Variants in LMNA observed in about 807,000 individuals in gnomAD.
The protein encoded by LMNA is lamin A/C, also known as lamin.
LMNA carries 20 observed loss-of-function variants against 70.4 expected under a neutral mutation model. The observed-to-expected ratio is 0.28, with a 90% CI of 0.20 to 0.41. LMNA has a LOEUF of 0.41. Ranked by LOEUF, LMNA falls within the 10% of genes least tolerant of loss-of-function variation. LMNA has a pLI of 1.00. For missense variants in LMNA, 652 were observed against 917.2 expected (o/e 0.71, Z 3.73); for synonymous variants, 339 against 372.8 (o/e 0.91, Z 1.04).
At chr1:156,124,766 T>C (rs781632544) in intron 1 of LMNA, among the ~76,000 whole-genome samples, 10 of 152,102 alleles carry the variant, frequency 6.6e-5, no homozygotes, top group Non-Finnish European at 1.2e-4. Flanking sequence ...AACCTCATGA[T>C]TGGCCGCACA....
At chr1:156,105,403 C>CCT (rs76042463) in intron 3 of LMNA, among the ~76,000 whole-genome samples, 77,401 of 151,632 alleles carry the variant, frequency 0.51, 21,953 homozygotes, top group East Asian at 0.79. Flanking sequence ...CCAGCCATCC[C>CCT]TACTCTACTT....
chr1:156,086,282 C>G (rs528512994), intron 2 of LMNA, among the ~76,000 whole-genome samples: 4 of 152,328 alleles, frequency 2.6e-5, no homozygotes, highest in Middle Eastern at 3.4e-3. Context: ...CATCATAGGT[C>G]ACTTGAAGTC....
intron 2 of LMNA, among the ~76,000 whole-genome samples, chr1:156,131,090 T>C (rs989197035): frequency 6.6e-6 from 1 of 151,674 alleles, no homozygotes; most frequent in African/African-American, 2.4e-5. Flanking sequence ...ACTAACATGG[T>C]GAAACCCCGT....
Position 156,136,277 on chromosome 1 carries a change from C to G in LMNA, c.1221C>G (p.Ser407=), listed in dbSNP as rs1349492715. The G allele has an allele frequency of 6.2e-7, 1 of 1,612,132 alleles. No homozygotes were observed. Among genetic ancestry groups the G allele is most frequent in the South Asian group, 1.1e-5 (1 of 91,040 alleles). The part of the protein sequence containing the change: ...RSRGRASSHS[S]QTQGGGSVTK... ...GTGGCCGTGCTTCCTCTCACTCATCCCAGACACAGGGTGGGGGCAGCGTCA... is the reference window on the plus strand; with the variant it reads ...GTGGCCGTGCTTCCTCTCACTCATCGCAGACACAGGGTGGGGGCAGCGTCA... Residue 407 remains serine, a synonymous_variant, in exon 7 of 12, where the codon TCC becomes TCG. Coordinates refer to ENST00000368300, the MANE Select transcript of LMNA (RefSeq NM_170707.4). This position sits in a 1 kb window ranked among gnomAD's most constrained non-coding sequence, Gnocchi z 6.1.
intron 2 of LMNA, among the ~76,000 whole-genome samples, chr1:156,088,867 T>C (rs944678173): frequency 6.6e-6 from 1 of 152,206 alleles, no homozygotes; most frequent in African/African-American, 2.4e-5. Context: ...TTAGCCAGGA[T>C]GGTCTCAATC....
Position 156,139,716 on chromosome 1 carries a change from G to T in LMNA, c.*610G>T. ...CCCCACCCCTGCCCCCAGCCCCGGG[G>T]TGAGTCCATTCTCCCAGGTACCAGC... On this transcript the variant is annotated 3_prime_UTR_variant, in exon 12 of 12. Coordinates refer to ENST00000368300, the MANE Select transcript of LMNA (RefSeq NM_170707.4). The T allele has an allele frequency of 2.6e-6, 4 of 1,531,240 alleles. No homozygotes were observed. Among genetic ancestry groups the T allele is most frequent in the South Asian group, 2.4e-5 (2 of 83,858 alleles). 94.9% of individuals were successfully genotyped at this position (1,531,240 alleles called of 1,614,324 possible). A position where few individuals can be genotyped will look rare whatever the true frequency, so the allele number is the denominator to read the frequency against.
Position 156,134,459 on chromosome 1 carries a change from G to A in LMNA, c.570G>A (p.Arg190=). 1 of 1,614,208 alleles carries A rather than the reference G, an allele frequency of 6.2e-7. No homozygotes were observed. Among genetic ancestry groups the A allele is most frequent in the Non-Finnish European group, 8.5e-7 (1 of 1,180,038 alleles). Residue 190 remains arginine (R), a synonymous_variant, in exon 3 of 12, where the codon CGG becomes CGA. Transcript: ENST00000368300. The surrounding 1 kb of genome is among the most constrained non-coding windows in gnomAD (Gnocchi z 5.3). ...AACTTCAGGATGAGATGCTGCGGCG[G>A]GTGGATGCTGAGAACAGGCTGCAGA... ...KKQLQDEMLR[R]VDAENRLQTM... is the part of the protein sequence containing the mutation.
intron 2 of LMNA, among the ~76,000 whole-genome samples, chr1:156,084,420 C>G (rs1344898674): frequency 1.3e-5 from 2 of 150,638 alleles, no homozygotes; most frequent in Non-Finnish European, 2.9e-5. Context: ...CTGAGGAACC[C>G]GGGAGGGTCC....
upstream of LMNA, chr1:156,109,465 C>T (rs1649458773): frequency 1.3e-5 from 2 of 152,526 alleles, no homozygotes; most frequent in African/African-American, 4.8e-5. Context: ...TAGTGGCTCC[C>T]CATGCCCCTT....
intron 3 of LMNA, among the ~76,000 whole-genome samples, chr1:156,104,184 C>T (rs1479593289): frequency 6.6e-6 from 1 of 152,194 alleles, no homozygotes; most frequent in Non-Finnish European, 1.5e-5. Context: ...TCGGGGTGAT[C>T]CCAAGAGGTG....
At position 156,138,395 on chromosome 1, in the gene LMNA, C is replaced by T. The variant is rs779383390; in HGVS notation, c.1699-93C>T. 395 of 1,416,382 alleles carry T rather than the reference C, an allele frequency of 2.8e-4. 2 individuals carry two copies. The Middle Eastern group carries it at 6.4e-3, about 23-fold the overall frequency. 87.7% of individuals were successfully genotyped at this position (1,416,382 alleles called of 1,614,324 possible). On this transcript the variant is annotated intron_variant, in intron 10 of 11. Coordinates refer to ENST00000368300, the MANE Select transcript of LMNA (RefSeq NM_170707.4). The surrounding 1 kb of genome is among the most constrained non-coding windows in gnomAD (Gnocchi z 5.5). ...CACAGAACCACACCTTCCTGCCTGG[C>T]GGCTGGGAGCCTGCAGGAGCCTGGA...
chr1:156,103,780 C>T lies in LMNA; in HGVS notation c.-206-10933C>T, dbSNP rs1236674616. Among the ~76,000 whole-genome samples the T allele has an allele frequency of 6.6e-6, 1 of 152,256 alleles. No homozygotes were observed. The highest frequency in any genetic ancestry group is 1.9e-4 in the East Asian group (1 of 5,178). ...ACATCTGGCTCCATTTGAACATACC[C>T]CACCCTCCCTGCTCTTTATCCCTCA... On this transcript the variant is annotated intron_variant, in intron 3 of 12. Coordinates refer to the LMNA transcript ENST00000368301. This position sits in a 1 kb window ranked among gnomAD's most constrained non-coding sequence, Gnocchi z 4.7.
chr1:156,104,179 G>A (rs1473590329), intron 3 of LMNA, among the ~76,000 whole-genome samples: 1 of 152,240 alleles, frequency 6.6e-6, no homozygotes, highest in Non-Finnish European at 1.5e-5. Flanking sequence ...AGGGGTCGGG[G>A]TGATCCCAAG....
chr1:156,134,662 G>A lies in LMNA; in HGVS notation c.639+134G>A. On this transcript the variant is annotated intron_variant, in intron 3 of 11. Coordinates refer to ENST00000368300, the MANE Select transcript of LMNA (RefSeq NM_170707.4). This position sits in a 1 kb window ranked among gnomAD's most constrained non-coding sequence, Gnocchi z 5.3. ...CCCTAGTGGACAGGGAGTTGGGGGT[G>A]GCCAGCACTCAGCTCCCAGGTTAAA... is the stretch of plus-strand genomic sequence containing the variant. 3 of 1,535,718 alleles carry A rather than the reference G, an allele frequency of 2.0e-6. No homozygotes were observed. Among genetic ancestry groups the A allele is most frequent in the Non-Finnish European group, 2.7e-6 (3 of 1,113,506 alleles).
chr1:156,129,952 A>G (rs1403800027), intron 1 of LMNA: 10 of 731,302 alleles, frequency 1.4e-5, no homozygotes, highest in Non-Finnish European at 2.5e-5. Context: ...GGCAGGAGGG[A>G]GGGAGGCAGG....
intron 3 of LMNA, chr1:156,106,920 G>A (rs961414314): frequency 3.3e-5 from 5 of 152,336 alleles, no homozygotes; most frequent in Admixed American, 6.5e-5. Flanking sequence ...TGCCGGGAAT[G>A]GAGCTCCTGG....
At chr1:156,123,939 A>C (rs549363503) in intron 1 of LMNA, among the ~76,000 whole-genome samples, 5 of 152,276 alleles carry the variant, frequency 3.3e-5, no homozygotes, top group Admixed American at 3.3e-4. Flanking sequence ...TCCCTCTCTC[A>C]GCACCAGTTC....
chr1:156,135,830 C>T lies in LMNA; in HGVS notation c.937-71C>T, dbSNP rs770726826. On this transcript the variant is annotated intron_variant, in intron 5 of 11. Coordinates refer to ENST00000368300, the MANE Select transcript of LMNA (RefSeq NM_170707.4). This position sits in a 1 kb window ranked among gnomAD's most constrained non-coding sequence, Gnocchi z 4.8. ...AGAGAGTAGCCAGGTGTCTCCTACA[C>T]CGACCCACGTCCCTCCTTCCCCATA... 7 of 1,355,748 alleles carry T rather than the reference C, an allele frequency of 5.2e-6. No individual in the cohort carries two copies. Among genetic ancestry groups the T allele is most frequent in the Non-Finnish European group, 7.3e-6 (7 of 964,526 alleles). 84.0% of individuals were successfully genotyped at this position (1,355,748 alleles called of 1,614,324 possible).
chr1:156,129,972 G>A (rs1343503567), intron 1 of LMNA: 49 of 716,418 alleles, frequency 6.8e-5, no homozygotes, highest in Non-Finnish European at 1.1e-4. Flanking sequence ...GGACCCCTCT[G>A]TTCAGTGCAG....
Sources: allele counts gnomAD v4.1 joint callset (sites outside exome capture counted in the v4.1 genomes callset), GRCh38; gene constraint gnomAD v4.1.1; non-coding constraint Gnocchi (gnomAD v3.1); transcripts MANE v1.5; gene names NCBI Gene and HGNC (gene_info 2026-07-23, HGNC 2026-07-21).